The following MIER3 variants were observed in gnomAD, a reference collection of about 807,000 sequenced individuals.
The protein encoded by MIER3 is mesoderm induction early response protein 3.
A neutral mutation model predicts 63.2 loss-of-function variants in MIER3; 9 were observed. The ratio of observed to expected loss-of-function variants is 0.14; its 90% CI spans 0.09 to 0.25. The LOEUF is 0.25. Among genes scored for constraint, MIER3 ranks in the 10% least tolerant of loss-of-function variants. The probability of loss-of-function intolerance (pLI) is 1.00; values close to 1 mark genes in which losing one functional copy is unlikely to be tolerated. For missense variants in MIER3, 512 were observed against 666.2 expected, an observed-to-expected ratio of 0.77 and a Z score of 2.55; for synonymous variants, 205 against 224.9, an observed-to-expected ratio of 0.91 and a Z score of 0.79.
chr5:56,935,610 T>G, intron 6 of MIER3, 56 bp downstream of exon 6: 1 of 1,545,416 alleles, frequency 6.5e-7, no homozygotes, highest in Admixed American at 1.9e-5. Flanking sequence ...TTATCATAAA[T>G]CATTTCAGAA....
chr5:56,931,414 A>T (rs1227680618), intron 8 of MIER3, among the ~76,000 whole-genome samples: 1 of 152,146 alleles, frequency 6.6e-6, no homozygotes, highest in African/African-American at 2.4e-5. Flanking sequence ...GCCTACATTT[A>T]AAAAAATCAT....
Position 56,921,784 on chromosome 5 carries a change from A to G in MIER3, c.*1344T>C, listed in dbSNP as rs1749686433. 1.3e-5 allele frequency: 2 copies of G among 152,674 alleles called. No individual in the cohort carries two copies. The highest frequency in any genetic ancestry group is 2.4e-5 in the African/African-American group (1 of 41,470). The allele number at this position is 152,674 out of a possible 1,614,324, so 9.5% of individuals were successfully genotyped here. A position where few individuals can be genotyped will look rare whatever the true frequency, so the allele number is the denominator to read the frequency against. ...TTTTAATTAAGACGGTGCAAACAAC[A>G]TAATTCTCTATTTTAACAGTACTAC... On this transcript the variant is annotated 3_prime_UTR_variant, in exon 13 of 13. Transcript: ENST00000381199.
At chr5:56,950,370 T>G (rs971076140) in intron 2 of MIER3, among the ~76,000 whole-genome samples, 1 of 152,172 alleles carries the variant, frequency 6.6e-6, no homozygotes, top group Non-Finnish European at 1.5e-5. Context: ...ATAAGATATG[T>G]AATAATTAAA....
At chr5:56,938,798 G>T in intron 4 of MIER3, 85 bp downstream of exon 4, 1 of 1,486,598 alleles carries the variant, frequency 6.7e-7, no homozygotes, top group Admixed American at 2.1e-5. Context: ...TTACATTTAA[G>T]AATTATTAAA....
rs1749632090 is a variant in MIER3 at position 56,920,742 on chromosome 5, GTAT to G, written c.*2383_*2385del. 1 of 152,144 alleles carries G rather than the reference GTAT, an allele frequency of 6.6e-6. No homozygotes were observed. Among genetic ancestry groups the G allele is most frequent in the South Asian group, 2.1e-4 (1 of 4,830 alleles). 9.4% of individuals were successfully genotyped at this position (152,144 alleles called of 1,614,324 possible). ...GTCACATCAAGCATGCACAAAAATG[GTAT>G]TATACATGGCAGAAGTAGTCAGAAA... On this transcript the variant is annotated 3_prime_UTR_variant, in exon 13 of 13. Coordinates refer to ENST00000381199, the MANE Select transcript of MIER3 (RefSeq NM_001297599.2).
intron 8 of MIER3, among the ~76,000 whole-genome samples, chr5:56,932,746 T>A (rs1419031811): frequency 6.6e-6 from 1 of 152,218 alleles, no homozygotes; most frequent in Non-Finnish European, 1.5e-5. Flanking sequence ...ATAGTCTTAA[T>A]AGACATTACT....
At chr5:56,952,133 C>T (rs969451009), upstream of MIER3, 16 of 1,238,298 alleles carry the variant, frequency 1.3e-5, no homozygotes, top group African/African-American at 3.2e-5. Context: ...CGAGCAGCGC[C>T]GAGCCCAGTC....
intron 2 of MIER3, among the ~76,000 whole-genome samples, chr5:56,949,458 C>T (rs1750942713): frequency 6.6e-6 from 1 of 152,126 alleles, no homozygotes. Context: ...GGAAAAATTC[C>T]ATTAATCCAG....
intron 10 of MIER3, chr5:56,928,036 C>T (rs1032321385): frequency 2.6e-5 from 4 of 150,950 alleles, no homozygotes; most frequent in Admixed American, 6.6e-5. Context: ...TGTCTCCTTG[C>T]GGCTTGTTAG....
chr5:56,948,205 A>G (rs1159929207), intron 2 of MIER3, among the ~76,000 whole-genome samples: 2 of 152,230 alleles, frequency 1.3e-5, no homozygotes, highest in East Asian at 3.8e-4. Context: ...AACCACACAC[A>G]TAATTCATTA....
chr5:56,950,677 AGG>A (rs1561249178), intron 1 of MIER3, 25 bp from the exon 2 acceptor site: 6 of 1,612,656 alleles, frequency 3.7e-6, no homozygotes, highest in Middle Eastern at 1.6e-4. Flanking sequence ...AGAAAACGTG[AGG>A]TTAGATCGCA....
chr5:56,941,031 T>A (rs778041619), intron 3 of MIER3: 7 of 985,256 alleles, frequency 7.1e-6, no homozygotes, highest in Non-Finnish European at 8.4e-6. Flanking sequence ...CTTCCCATCA[T>A]TTACTCAGTT....
intron 2 of MIER3, among the ~76,000 whole-genome samples, chr5:56,948,390 G>A (rs1215743123): frequency 6.6e-6 from 1 of 152,178 alleles, no homozygotes; most frequent in African/African-American, 2.4e-5. Context: ...ATAGGCCGGG[G>A]TGGTGGCTCA....
intron 1 of MIER3, among the ~76,000 whole-genome samples, chr5:56,951,705 G>A (rs922295065): frequency 7.2e-5 from 10 of 138,468 alleles, no homozygotes; most frequent in Non-Finnish European, 1.3e-4. Flanking sequence ...GCGGAGGGGG[G>A]GCTCCGCCGG....
intron 3 of MIER3, chr5:56,941,171 G>GT (rs1750633285): frequency 2.0e-6 from 2 of 981,392 alleles, no homozygotes; most frequent in South Asian, 9.4e-5. Flanking sequence ...CTCAAAGTCT[G>GT]TAAGGATGTA....
At position 56,933,395 on chromosome 5, in the gene MIER3, T is replaced by C; in HGVS notation, c.599A>G (p.Tyr200Cys). The C allele has an allele frequency of 6.2e-7, 1 of 1,603,972 alleles. No individual in the cohort carries two copies. The highest frequency in any genetic ancestry group is 8.5e-7 in the Non-Finnish European group (1 of 1,176,434). ...LGEYDGNEKV[Y>C]ENEDQLLWCP... ...CCAAAGTAACTGGTCTTCGTTTTCA[T>C]ATACTGATAAAGAAAATCCCATTAA... The change falls in exon 8 of 13, where the codon TAT becomes TGT. Residue 200 changes from tyrosine (Y) to cysteine (C), a missense_variant. Transcript: ENST00000381199.
At chr5:56,934,783 C>T (rs749584016) in intron 7 of MIER3, among the ~76,000 whole-genome samples, 1 of 152,114 alleles carries the variant, frequency 6.6e-6, no homozygotes, top group Non-Finnish European at 1.5e-5. Flanking sequence ...TGTGACTTCA[C>T]AAGGATAAAT....
At position 56,923,001 on chromosome 5, in the gene MIER3, A is replaced by G; in HGVS notation, c.*127T>C. On this transcript the variant is annotated 3_prime_UTR_variant, in exon 13 of 13. Coordinates refer to ENST00000381199, the MANE Select transcript of MIER3 (RefSeq NM_001297599.2). ...TCTTGATAAATCAAGATATAGTTCT[A>G]TACATACTGACATCACTGATGTCAT... is the stretch of plus-strand genomic sequence containing the variant. The G allele has an allele frequency of 2.9e-6, 2 of 692,638 alleles. No homozygotes were observed. Among genetic ancestry groups the G allele is most frequent in the Non-Finnish European group, 4.8e-6 (2 of 412,966 alleles). The allele number at this position is 692,638 out of a possible 1,614,324, so 42.9% of individuals were successfully genotyped here.
intron 7 of MIER3, among the ~76,000 whole-genome samples, chr5:56,935,147 C>T (rs1750397139): frequency 6.6e-6 from 1 of 152,126 alleles, no homozygotes; most frequent in South Asian, 2.1e-4. Flanking sequence ...GGCCAAGGTA[C>T]AGCACCGTGG....
Sources: gnomAD v4.1 joint callset for allele counts (sites outside exome capture counted in the v4.1 genomes callset) on GRCh38, gnomAD v4.1.1 for gene constraint, MANE v1.5 for transcripts, NCBI Gene and HGNC (gene_info 2026-07-23, HGNC 2026-07-21) for gene names.